Variants in SETX observed in about 807,000 individuals in gnomAD.
SETX encodes the protein helicase senataxin.
A neutral mutation model predicts 227.2 loss-of-function variants in SETX; 90 were observed. The observed-to-expected ratio is 0.40, with a 90% confidence interval of 0.33 to 0.47. The LOEUF (loss-of-function observed/expected upper bound fraction) is 0.47. SETX is among the 20% of genes least tolerant of loss of function. The pLI, the probability that SETX is intolerant of heterozygous loss-of-function variation, is 0.91. For missense variants in SETX, 3,052 were observed against 3,181.5 expected (o/e 0.96, Z 0.98); for synonymous variants, 1,210 against 1,113.2 (o/e 1.09, Z -1.73).
At chr9:132,344,261 T>C (rs1187910578) in intron 4 of SETX, among the ~76,000 whole-genome samples, 1 of 152,206 alleles carries the variant, frequency 6.6e-6, no homozygotes, top group Admixed American at 6.5e-5. Context: ...TTGCCCAGAA[T>C]GAAGTACAGT....
Position 132,264,469 on chromosome 9 carries a change from G to A in SETX, c.7804C>T (p.Pro2602Ser). 6.2e-7 allele frequency: 1 copy of A among 1,612,836 alleles called. No individual in the cohort carries two copies. Among genetic ancestry groups the A allele is most frequent in the Non-Finnish European group, 8.5e-7 (1 of 1,179,466 alleles). The part of the protein sequence containing the change: ...AVVAALSSHK[P>S]PVRGEPPAAS... ...GCTGGAGGTTCGCCCCGCACGGGAG[G>A]TTTGTGGCTGCTCAGAGCAGCCACT... Residue 2602 changes from proline to serine, a missense_variant, in exon 26 of 26, where the codon CCT becomes TCT. Pro to Ser is a moderately conservative substitution (Grantham distance 74). Around this residue, in one of 10 missense-constraint regions of SETX, gnomAD observed 294 missense variants for 278.8 expected, o/e 1.05. Coordinates refer to ENST00000224140, the MANE Select transcript of SETX (RefSeq NM_015046.7).
rs1564165988 is a variant in SETX, at chr9:132,349,337, T to C, written c.92A>G (p.Gln31Arg). 2 of 1,614,130 alleles carry C rather than the reference T, an allele frequency of 1.2e-6. No individual in the cohort carries two copies. Among genetic ancestry groups the C allele is most frequent in the Admixed American group, 1.7e-5 (1 of 60,012 alleles). Reference sequence around the variant, plus strand: ...GTAGCAGAGGTCTTCGTCGGCTGTTTGAAATTCACCGGACGGAGTGTTGGA... The same window carrying C: ...GTAGCAGAGGTCTTCGTCGGCTGTTCGAAATTCACCGGACGGAGTGTTGGA... Reference protein sequence around the residue: ...YASNTPSGEFQTADEDLCYCL... With the variant: ...YASNTPSGEFRTADEDLCYCL... The change falls in exon 3 of 26, where the codon CAA becomes CGA. Residue 31 changes from glutamine (Q) to arginine (R), a missense_variant. Around this residue, in one of 10 missense-constraint regions of SETX, gnomAD observed 152 missense variants for 156.2 expected, o/e 0.97. Transcript: ENST00000224140.
intron 20 of SETX, among the ~76,000 whole-genome samples, chr9:132,280,801 T>G (rs1352868909): frequency 6.6e-6 from 1 of 152,188 alleles, no homozygotes; most frequent in African/African-American, 2.4e-5. Context: ...ATCCTGATTC[T>G]AATGTGCATT....
intron 5 of SETX, among the ~76,000 whole-genome samples, chr9:132,338,313 G>A (rs757414644): frequency 1.3e-5 from 2 of 151,874 alleles, no homozygotes; most frequent in South Asian, 2.1e-4. Context: ...GGCTGGTCTC[G>A]AACTCCTGAC....
chr9:132,266,989 CT>C (rs1285710556), intron 25 of SETX, among the ~76,000 whole-genome samples: 1 of 152,118 alleles, frequency 6.6e-6, no homozygotes, highest in African/African-American at 2.4e-5. Context: ...TATTATTTTA[CT>C]TGTATTTTCT....
chr9:132,284,942 G>A (rs562519492), intron 18 of SETX, among the ~76,000 whole-genome samples: 11 of 151,370 alleles, frequency 7.3e-5, no homozygotes, highest in South Asian at 2.1e-4. Flanking sequence ...GCAGTGGCGC[G>A]ATCTCCACTC....
rs1842550105 is a variant in SETX at position 132,264,674 on chromosome 9, A to T, written c.7599T>A (p.His2533Gln). The T allele has an allele frequency of 6.2e-7, 1 of 1,614,098 alleles. No individual in the cohort carries two copies. The highest frequency in any genetic ancestry group is 8.5e-7 in the Non-Finnish European group (1 of 1,180,044). The change falls in exon 26 of 26, where the codon CAT (histidine) becomes CAA (glutamine). Residue 2533 changes from histidine (H) to glutamine (Q), a missense_variant. Around this residue, in one of 10 missense-constraint regions of SETX, gnomAD observed 294 missense variants for 278.8 expected, o/e 1.05. Coordinates refer to ENST00000224140, the MANE Select transcript of SETX (RefSeq NM_015046.7). ...TSKDPERPPV[H>Q]DQLQDPRLLK... ...GCAGTCGTGGGTCCTGAAGTTGGTC[A>T]TGAACAGGAGGTCTTTCAGGGTCCT...
chr9:132,282,872 G>A, intron 19 of SETX: 1 of 309,334 alleles, frequency 3.2e-6, no homozygotes, highest in South Asian at 2.9e-5. Flanking sequence ...CAAACAGTAC[G>A]TACCCAATAA....
intron 15 of SETX, among the ~76,000 whole-genome samples, chr9:132,294,109 TACACC>T (rs199800500): frequency 0.013 from 1,969 of 152,268 alleles, 44 homozygotes; most frequent in African/African-American, 0.044. Context: ...GCAGTCAACA[TACACC>T]TGAAAAGCAG....
rs1294639006 is a variant in SETX, at chr9:132,283,326, G to A, written c.6484C>T (p.Leu2162=). The A allele has an allele frequency of 3.1e-6, 5 of 1,614,060 alleles. No individual in the cohort carries two copies. Among genetic ancestry groups the A allele is most frequent in the Non-Finnish European group, 4.2e-6 (5 of 1,180,032 alleles). ...TGCCCACGGAAAGCAGACTCAAGTA[G>A]TAAACCACCACTTGTGCTCAACGTG... ...CCTLSTSGGL[L]LESAFRGQGG... The change falls in exon 19 of 26, where the codon CTA becomes TTA. Residue 2162 remains leucine (L), a synonymous_variant. Coordinates refer to ENST00000224140, the MANE Select transcript of SETX (RefSeq NM_015046.7).
rs1284013487 is a variant in SETX, at chr9:132,331,351, A to G, written c.936T>C (p.Ile312=). ...TGTTGATAATGGTTTGAAATGCCAC[A>G]ATAGGATCCATAAGTTGACCCCAGA... ...SKVWGQLMDP[I]VAFQTIINNA... Residue 312 remains isoleucine, a synonymous_variant, in exon 8 of 26, where the codon ATT becomes ATC. Coordinates refer to ENST00000224140, the MANE Select transcript of SETX (RefSeq NM_015046.7). 1.1e-5 allele frequency: 17 copies of G among 1,614,000 alleles called. No homozygotes were observed. Among genetic ancestry groups the G allele is most frequent in the Non-Finnish European group, 1.4e-5 (17 of 1,180,014 alleles).
At chr9:132,348,370 A>AAAC (rs1554825820) in intron 3 of SETX, among the ~76,000 whole-genome samples, 14 of 53,980 alleles carry the variant, frequency 2.6e-4, no homozygotes, top group South Asian at 1.0e-3. Context: ...CTCAAAAAAA[A>AAAC]AACAAAACAA....
chr9:132,269,816 C>A lies in SETX; in HGVS notation c.7200-114G>T, dbSNP rs1001647623. On this transcript the variant is annotated intron_variant, in intron 24 of 25. Transcript: ENST00000224140. ...TGCCCGTGTCTGACAGAGGTGGAAT[C>A]TTGAATGACTCAGTGAGCCCGAGAC... The A allele has an allele frequency of 2.8e-6, 3 of 1,057,158 alleles. No individual in the cohort carries two copies. In the Admixed American group the frequency reaches 5.2e-5, roughly 18 times the overall value. 65.5% of individuals were successfully genotyped at this position (1,057,158 alleles called of 1,614,324 possible).
At chr9:132,274,350 A>ATATT (rs1843047833) in intron 23 of SETX, among the ~76,000 whole-genome samples, 1 of 151,854 alleles carries the variant, frequency 6.6e-6, no homozygotes, top group African/African-American at 2.4e-5. Context: ...TCTTCTTTTA[A>ATATT]TATTTGATAG....
At position 132,331,116 on chromosome 9, in the gene SETX, T is replaced by C. The variant is rs367824771; in HGVS notation, c.1034A>G (p.Tyr345Cys). The change falls in exon 9 of 26, where the codon TAT becomes TGT. Residue 345 changes from tyrosine to cysteine, a missense_variant. By Grantham distance (194) the Tyr-to-Cys change is radical. Coordinates refer to ENST00000224140, the MANE Select transcript of SETX (RefSeq NM_015046.7). ...SVRTKLEPESYLDDMVTCSQI... is the reference protein window; with the variant it reads ...SVRTKLEPESCLDDMVTCSQI... ...GCTGCAAGTCACCATATCATCCAAA[T>C]AGGACTCCGGTTCTAACTTGGTCCT... 1.8e-5 allele frequency: 29 copies of C among 1,613,516 alleles called. No homozygotes were observed. The highest frequency in any genetic ancestry group is 2.3e-5 in the Non-Finnish European group (27 of 1,179,620).
chr9:132,339,869 C>T (rs1847854348), intron 5 of SETX, among the ~76,000 whole-genome samples: 1 of 152,200 alleles, frequency 6.6e-6, no homozygotes, highest in Non-Finnish European at 1.5e-5. Flanking sequence ...CCCACCTCAG[C>T]CTCCCAAAGT....
rs189932712 is a variant in SETX, at chr9:132,327,414, T to C, written c.4184A>G (p.Asp1395Gly). The C allele has an allele frequency of 6.2e-7, 1 of 1,614,196 alleles. No homozygotes were observed. The highest frequency in any genetic ancestry group is 1.7e-5 in the Admixed American group (1 of 60,022). ...DIFVPESDRS[D>G]YNCTGGTEVL... ...CTCAGTTCCTCCTGTACAATTATAATCTGACCTATCAGATTCTGGTACAAA... is the reference window on the plus strand; with the variant it reads ...CTCAGTTCCTCCTGTACAATTATAACCTGACCTATCAGATTCTGGTACAAA... The change falls in exon 10 of 26, where the codon GAT becomes GGT. Residue 1395 changes from aspartate to glycine, a missense_variant. Physicochemically the swap from Asp to Gly is moderately conservative, Grantham distance 94. Coordinates refer to ENST00000224140, the MANE Select transcript of SETX (RefSeq NM_015046.7).
intron 15 of SETX, 76 bp from the exon 16 acceptor site, chr9:132,288,727 T>G: frequency 2.1e-6 from 2 of 953,392 alleles, no homozygotes; most frequent in Non-Finnish European, 3.3e-6. Context: ...AGTATCTATA[T>G]TTCTAAGTAA....
chr9:132,280,593 G>A (rs1441444071), intron 20 of SETX, among the ~76,000 whole-genome samples: 2 of 152,082 alleles, frequency 1.3e-5, no homozygotes, highest in African/African-American at 2.4e-5. Context: ...GAATAATTCC[G>A]AAATCAAAAA....
Sources: gnomAD v4.1 joint callset for allele counts (sites outside exome capture counted in the v4.1 genomes callset) on GRCh38, gnomAD v4.1.1 for gene constraint, gnomAD v4.1.1 regional missense constraint, MANE v1.5 for transcripts, NCBI Gene and HGNC (gene_info 2026-07-23, HGNC 2026-07-21) for gene names.